The following FHIT variants were observed in gnomAD, a reference collection of about 807,000 sequenced individuals.
FHIT encodes the protein fragile histidine triad diadenosine triphosphatase.
A neutral mutation model predicts 17.9 loss-of-function variants in FHIT; 19 were observed. That is an observed-to-expected ratio of 1.06 (90% CI 0.74 to 1.56). The LOEUF (loss-of-function observed/expected upper bound fraction) is 1.56. Ranked by LOEUF, FHIT falls within the 40% of genes most tolerant of loss-of-function variation. The probability of loss-of-function intolerance (pLI) is 0.00; values close to 1 mark genes in which losing one functional copy is unlikely to be tolerated. For missense variants in FHIT, 248 were observed against 189.2 expected (o/e 1.31, Z -1.82); for synonymous variants, 81 against 69.7 (o/e 1.16, Z -0.81).
At position 60,469,723 on chromosome 3, in the gene FHIT, G is replaced by T. The variant is rs538201757; in HGVS notation, c.103+67137C>A. Among the ~76,000 whole-genome samples, 16 of 152,126 alleles carry T rather than the reference G, an allele frequency of 1.1e-4. No homozygotes were observed. In the South Asian group the frequency reaches 1.2e-3, roughly 12 times the overall value. ...ATGCTTTGGGTGTTTGTCAGTGTCT[G>T]GGTTTTGAAGAGTTAGGTATTCACT... On this transcript the variant is annotated intron_variant, in intron 5 of 9. Transcript: ENST00000492590.
At chr3:59,999,658 G>A (rs1009259210) in intron 7 of FHIT, among the ~76,000 whole-genome samples, 1 of 152,052 alleles carries the variant, frequency 6.6e-6, no homozygotes, top group Non-Finnish European at 1.5e-5. Flanking sequence ...AGGCTGGAGT[G>A]CAGTGGTGCA....
intron 2 of FHIT, among the ~76,000 whole-genome samples, chr3:61,050,372 G>A (rs1408685809): frequency 6.6e-6 from 1 of 151,956 alleles, no homozygotes; most frequent in Non-Finnish European, 1.5e-5. Context: ...AAGGAGACAA[G>A]CAACATAACA....
chr3:60,958,973 C>A (rs1482597384), intron 3 of FHIT, among the ~76,000 whole-genome samples: 1 of 152,130 alleles, frequency 6.6e-6, no homozygotes, highest in Non-Finnish European at 1.5e-5. Context: ...GAAATGACAG[C>A]CACACTTGCC....
At chr3:59,974,032 T>A (rs963805318) in intron 7 of FHIT, among the ~76,000 whole-genome samples, 1 of 151,492 alleles carries the variant, frequency 6.6e-6, no homozygotes, top group Admixed American at 6.6e-5. Flanking sequence ...TAAGGAAGAA[T>A]ATGGTTCTCT....
At chr3:60,016,245 G>C (rs990417693) in intron 5 of FHIT, among the ~76,000 whole-genome samples, 7 of 152,138 alleles carry the variant, frequency 4.6e-5, no homozygotes, top group African/African-American at 1.7e-4. Context: ...AAAACTTGTG[G>C]AACTGGTTAC....
chr3:60,963,686 T>C (rs1304893082), intron 3 of FHIT, among the ~76,000 whole-genome samples: 2 of 149,972 alleles, frequency 1.3e-5, no homozygotes, highest in Non-Finnish European at 3.0e-5. Context: ...TTTGGTTATG[T>C]GCCCAGTAGT....
At chr3:61,027,850 T>C (rs1172546556) in intron 3 of FHIT, among the ~76,000 whole-genome samples, 1 of 152,242 alleles carries the variant, frequency 6.6e-6, no homozygotes, top group East Asian at 1.9e-4. Context: ...TATTCATATT[T>C]ATAAATTACA....
intron 4 of FHIT, among the ~76,000 whole-genome samples, chr3:60,636,570 G>C (rs540277620): frequency 1.1e-4 from 17 of 152,260 alleles, no homozygotes; most frequent in African/African-American, 3.9e-4. Flanking sequence ...AAGATCAAGA[G>C]TGGCAAAATG....
Position 59,966,332 on chromosome 3 carries a change from A to G in FHIT, c.280-43918T>C, listed in dbSNP as rs1707924949. ...CTTTCATGTAGGGCATAACCTGTGCAACTCACATATGGTTGTCCTGGATCT... is the reference window on the plus strand; with the variant it reads ...CTTTCATGTAGGGCATAACCTGTGCGACTCACATATGGTTGTCCTGGATCT... On this transcript the variant is annotated intron_variant, in intron 7 of 9. Coordinates refer to ENST00000492590, the MANE Select transcript of FHIT (RefSeq NM_002012.4). Among the ~76,000 whole-genome samples the G allele has an allele frequency of 2.6e-5, 4 of 152,192 alleles. 1 individual carries two copies. In the South Asian group the frequency reaches 8.3e-4, roughly 32 times the overall value.
intron 5 of FHIT, among the ~76,000 whole-genome samples, chr3:60,296,922 A>C (rs1438894130): frequency 2.5e-5 from 1 of 40,752 alleles, no homozygotes; most frequent in Non-Finnish European, 4.0e-5. Flanking sequence ...TTATTTTTGC[A>C]AAAAAAAAAA....
chr3:59,830,240 C>T (rs1575561043), intron 8 of FHIT, among the ~76,000 whole-genome samples: 1 of 152,108 alleles, frequency 6.6e-6, no homozygotes, highest in Non-Finnish European at 1.5e-5. Context: ...GACATAAATG[C>T]TGAGTACAAA....
chr3:60,054,512 C>A (rs564150025), intron 5 of FHIT, among the ~76,000 whole-genome samples: 1 of 152,234 alleles, frequency 6.6e-6, no homozygotes, highest in East Asian at 1.9e-4. Context: ...TCAATGAGCA[C>A]CAGGGTTTTC....
At chr3:60,413,557 G>C (rs1476904179) in intron 5 of FHIT, among the ~76,000 whole-genome samples, 3 of 152,148 alleles carry the variant, frequency 2.0e-5, no homozygotes, top group Non-Finnish European at 4.4e-5. Flanking sequence ...TAGGTAAATT[G>C]ACCACTGTCT....
intron 4 of FHIT, among the ~76,000 whole-genome samples, chr3:60,602,952 C>T (rs890967273): frequency 2.0e-5 from 3 of 152,148 alleles, no homozygotes; most frequent in Admixed American, 6.5e-5. Flanking sequence ...TCTTAGACTT[C>T]CCAGTCTCTA....
At chr3:60,460,909 G>A (rs556134486) in intron 5 of FHIT, among the ~76,000 whole-genome samples, 4 of 152,204 alleles carry the variant, frequency 2.6e-5, no homozygotes, top group African/African-American at 4.8e-5. Context: ...ACTTAAGTAC[G>A]TACAAATTTA....
At chr3:61,068,228 G>A (rs1472227098) in intron 2 of FHIT, among the ~76,000 whole-genome samples, 1 of 152,186 alleles carries the variant, frequency 6.6e-6, no homozygotes, top group East Asian at 1.9e-4. Flanking sequence ...TCAAATCAAG[G>A]TGTAAGCAGA....
intron 7 of FHIT, among the ~76,000 whole-genome samples, chr3:59,937,998 G>GT (rs1706325878): frequency 4.6e-5 from 7 of 152,042 alleles, no homozygotes; most frequent in Non-Finnish European, 8.8e-5. Context: ...TCAACCTACA[G>GT]GGCTGCCAAG....
intron 4 of FHIT, among the ~76,000 whole-genome samples, chr3:60,565,491 A>G (rs1003284873): frequency 1.3e-5 from 2 of 152,202 alleles, no homozygotes; most frequent in Admixed American, 1.3e-4. Flanking sequence ...GGATTCTAAT[A>G]GATGCCTGTT....
At chr3:59,954,222 T>C (rs73839793) in intron 7 of FHIT, among the ~76,000 whole-genome samples, 2,248 of 30,866 alleles carry the variant, frequency 0.073, 81 homozygotes, top group African/African-American at 0.38. Flanking sequence ...TTTTGTTCTG[T>C]TTTTTTTTCT....
Sources: allele counts gnomAD v4.1 joint callset (sites outside exome capture counted in the v4.1 genomes callset), GRCh38; gene constraint gnomAD v4.1.1; transcripts MANE v1.5; gene names NCBI Gene and HGNC (gene_info 2026-07-23, HGNC 2026-07-21).